The following PRRX1 variants were observed in gnomAD, a reference collection of about 807,000 sequenced individuals.
The protein encoded by PRRX1 is paired related homeobox 1.
PRRX1 carries 8 observed loss-of-function variants against 24.0 expected under a neutral mutation model. The observed-to-expected ratio is 0.33, with a 90% confidence interval of 0.20 to 0.60. PRRX1 has a LOEUF of 0.60. Among genes scored for constraint, PRRX1 ranks in the 20% least tolerant of loss-of-function variants. The probability of loss-of-function intolerance (pLI) is 0.82; values close to 1 mark genes in which losing one functional copy is unlikely to be tolerated. For synonymous variants in PRRX1, 160 were observed against 131.7 expected, an observed-to-expected ratio of 1.22 and a Z score of -1.47; for missense variants, 281 against 322.4, an observed-to-expected ratio of 0.87 and a Z score of 0.98.
chr1:170,682,445 A>T (rs180944258), intron 1 of PRRX1, among the ~76,000 whole-genome samples: 1 of 152,162 alleles, frequency 6.6e-6, no homozygotes, highest in Admixed American at 6.5e-5. Flanking sequence ...TGAAGAGGAA[A>T]TAAGGTACTG....
intron 3 of PRRX1, 105 bp downstream of exon 3, chr1:170,726,506 A>C (rs1655261282): frequency 7.3e-7 from 1 of 1,367,614 alleles, no homozygotes; most frequent in Admixed American, 1.8e-5. Flanking sequence ...TTACTGGGTT[A>C]ATCTCTTCAG....
At chr1:170,669,829 TG>T (rs1653087289) in intron 1 of PRRX1, among the ~76,000 whole-genome samples, 1 of 152,174 alleles carries the variant, frequency 6.6e-6, no homozygotes, top group South Asian at 2.1e-4. Flanking sequence ...GAAATATGAA[TG>T]TATTTTTCCC....
intron 2 of PRRX1, 131 bp from the exon 3 acceptor site, chr1:170,726,089 C>T (rs1655244611): frequency 2.2e-6 from 2 of 901,206 alleles, no homozygotes; most frequent in Non-Finnish European, 3.5e-6. Context: ...CGGAGAATTC[C>T]ATAGCCATCT....
chr1:170,690,198 A>G (rs1653891683), intron 1 of PRRX1, among the ~76,000 whole-genome samples: 1 of 151,766 alleles, frequency 6.6e-6, no homozygotes, highest in South Asian at 2.1e-4. Context: ...GAAATATTGC[A>G]TCAGATAAGG....
chr1:170,693,884 G>A (rs542419331), intron 1 of PRRX1, among the ~76,000 whole-genome samples: 1 of 152,104 alleles, frequency 6.6e-6, no homozygotes, highest in Admixed American at 6.6e-5. Context: ...ACTCAGGCAA[G>A]GTTTGTGCCC....
chr1:170,677,728 A>G (rs1169166121), intron 1 of PRRX1, among the ~76,000 whole-genome samples: 1 of 152,210 alleles, frequency 6.6e-6, no homozygotes, highest in African/African-American at 2.4e-5. Context: ...TTGGCTCAGA[A>G]GTTGCTGACT....
intron 1 of PRRX1, among the ~76,000 whole-genome samples, chr1:170,719,270 GTA>G (rs1655005477): frequency 2.0e-5 from 3 of 152,352 alleles, no homozygotes; most frequent in African/African-American, 7.2e-5. Context: ...ATTTGTTCAT[GTA>G]TATATGTTAG....
Position 170,736,705 on chromosome 1 carries a change from G to A in PRRX1, c.*519G>A. ...AAAGTCTTTCTGAAGAATCTGTGCTGGACAGACATAATTCCCTTTCTCATT... is the reference window on the plus strand; with the variant it reads ...AAAGTCTTTCTGAAGAATCTGTGCTAGACAGACATAATTCCCTTTCTCATT... On this transcript the variant is annotated 3_prime_UTR_variant, in exon 4 of 4. Coordinates refer to ENST00000239461, the MANE Select transcript of PRRX1 (RefSeq NM_022716.4). 1 of 195,434 alleles carries A rather than the reference G, an allele frequency of 5.1e-6. No individual in the cohort carries two copies. Among genetic ancestry groups the A allele is most frequent in the East Asian group, 7.9e-5 (1 of 12,710 alleles). The allele number at this position is 195,434 out of a possible 1,614,324, so 12.1% of individuals were successfully genotyped here. A position where few individuals can be genotyped will look rare whatever the true frequency, so the allele number is the denominator to read the frequency against.
intron 1 of PRRX1, among the ~76,000 whole-genome samples, chr1:170,675,711 T>A (rs1653300009): frequency 1.3e-5 from 2 of 152,136 alleles, no homozygotes; most frequent in African/African-American, 4.8e-5. Context: ...ACATATTTTA[T>A]TATTATGAAG....
chr1:170,665,180 G>T (rs1416257811), intron 1 of PRRX1, among the ~76,000 whole-genome samples: 1 of 152,214 alleles, frequency 6.6e-6, no homozygotes, highest in Non-Finnish European at 1.5e-5. Context: ...ATCCAGCCCC[G>T]CATGATCCCG....
At chr1:170,664,580 T>A in intron 1 of PRRX1, 121 bp downstream of exon 1, 1 of 1,413,102 alleles carries the variant, frequency 7.1e-7, no homozygotes. Flanking sequence ...GGAGAGGTGA[T>A]GGCAGACTTC....
At chr1:170,682,065 TGA>T (rs140070835) in intron 1 of PRRX1, among the ~76,000 whole-genome samples, 2,684 of 152,252 alleles carry the variant, frequency 0.018, 71 homozygotes, top group African/African-American at 0.061. Context: ...GGTGGATGGG[TGA>T]TACAGTTGAA....
At chr1:170,664,540 C>G (rs561886668) in intron 1 of PRRX1, 81 bp downstream of exon 1, 3 of 1,505,870 alleles carry the variant, frequency 2.0e-6, no homozygotes, top group South Asian at 1.3e-5. Context: ...AGAGCCCGTC[C>G]GCGGCCAGAA....
chr1:170,688,504 G>T (rs1653820979), intron 1 of PRRX1, among the ~76,000 whole-genome samples: 1 of 151,462 alleles, frequency 6.6e-6, no homozygotes, highest in Non-Finnish European at 1.5e-5. Flanking sequence ...GAATGTTCAG[G>T]GTTATACAGA....
intron 3 of PRRX1, among the ~76,000 whole-genome samples, chr1:170,733,236 T>TAGAC (rs577030671): frequency 3.1e-4 from 47 of 152,258 alleles, no homozygotes; most frequent in African/African-American, 1.1e-3. Flanking sequence ...GGTTATGCAA[T>TAGAC]AGACAACTTG....
chr1:170,692,730 C>A (rs1401396377), intron 1 of PRRX1, among the ~76,000 whole-genome samples: 1 of 138,912 alleles, frequency 7.2e-6, no homozygotes, highest in East Asian at 2.0e-4. Flanking sequence ...CTCTCTCTCT[C>A]TCTCTCTCTC....
chr1:170,703,296 A>T (rs558577564), intron 1 of PRRX1, among the ~76,000 whole-genome samples: 1 of 152,124 alleles, frequency 6.6e-6, no homozygotes, highest in East Asian at 1.9e-4. Flanking sequence ...AAACTACCAG[A>T]TGTCGTCCAT....
chr1:170,736,328 G>A lies in PRRX1; in HGVS notation c.*142G>A. Reference sequence around the variant, plus strand: ...AGCAGAACTAAAATATTGGGACCATGGCAGAGAAAAGCAGGAGAGGAGCAA... The same window carrying A: ...AGCAGAACTAAAATATTGGGACCATAGCAGAGAAAAGCAGGAGAGGAGCAA... On this transcript the variant is annotated 3_prime_UTR_variant, in exon 4 of 4. Coordinates refer to ENST00000239461, the MANE Select transcript of PRRX1 (RefSeq NM_022716.4). The A allele has an allele frequency of 1.7e-6, 2 of 1,206,166 alleles. No homozygotes were observed. The highest frequency in any genetic ancestry group is 2.3e-6 in the Non-Finnish European group (2 of 855,184). 74.7% of individuals were successfully genotyped at this position (1,206,166 alleles called of 1,614,324 possible).
At chr1:170,691,669 CTCTT>C (rs926799094) in intron 1 of PRRX1, among the ~76,000 whole-genome samples, 6 of 151,666 alleles carry the variant, frequency 4.0e-5, no homozygotes, top group African/African-American at 1.2e-4. Context: ...TTCCTCTTCT[CTCTT>C]TCTTTCTTTT....
Sources: gnomAD v4.1 joint callset for allele counts (sites outside exome capture counted in the v4.1 genomes callset) on GRCh38, gnomAD v4.1.1 for gene constraint, MANE v1.5 for transcripts, NCBI Gene and HGNC (gene_info 2026-07-23, HGNC 2026-07-21) for gene names.